The following SEPHS1 variants were observed in gnomAD, a reference collection of about 807,000 sequenced individuals.
The protein encoded by SEPHS1 is selenophosphate synthetase 1, also known as zincore component SEPHS1.
In SEPHS1, 7 loss-of-function variants were observed where a neutral mutation model predicts 39.2. That is an observed-to-expected ratio of 0.18 (90% CI 0.10 to 0.34). The LOEUF is 0.34. Among genes scored for constraint, SEPHS1 ranks in the 10% least tolerant of loss-of-function variants. The pLI is 1.00. For synonymous variants in SEPHS1, 190 were observed against 195.5 expected (o/e 0.97, Z 0.23); for missense variants, 253 against 514.5 (o/e 0.49, Z 4.92).
At chr10:13,325,131 T>G (rs969158885) in intron 7 of SEPHS1, among the ~76,000 whole-genome samples, 1 of 152,182 alleles carries the variant, frequency 6.6e-6, no homozygotes, top group Admixed American at 6.5e-5. Flanking sequence ...TCCTTAACAG[T>G]GTTTTTCACC....
chr10:13,319,427 C>G (rs958612250), intron 8 of SEPHS1, 71 bp from the exon 9 acceptor site: 1 of 1,494,676 alleles, frequency 6.7e-7, no homozygotes, highest in Non-Finnish European at 9.2e-7. Context: ...GCTGCTTCTG[C>G]AGAGATCCAA....
At chr10:13,338,882 G>C in intron 2 of SEPHS1, 74 bp from the exon 3 acceptor site, 1 of 1,059,882 alleles carries the variant, frequency 9.4e-7, no homozygotes, top group South Asian at 1.3e-5. Flanking sequence ...CCAGTGCTCT[G>C]AACAGGAAGA....
chr10:13,331,748 T>TTC (rs1833478362), intron 5 of SEPHS1, among the ~76,000 whole-genome samples: 1 of 152,206 alleles, frequency 6.6e-6, no homozygotes, highest in South Asian at 2.1e-4. Context: ...GGAGAGAAAC[T>TTC]TCTCCAAAGA....
At chr10:13,321,841 G>T (rs1217185443) in intron 8 of SEPHS1, among the ~76,000 whole-genome samples, 1 of 152,148 alleles carries the variant, frequency 6.6e-6, no homozygotes, top group Non-Finnish European at 1.5e-5. Flanking sequence ...ATGAAGAGGA[G>T]GACGTCCCAC....
At chr10:13,331,117 G>A (rs1458869954) in intron 5 of SEPHS1, among the ~76,000 whole-genome samples, 1 of 152,128 alleles carries the variant, frequency 6.6e-6, no homozygotes, top group Non-Finnish European at 1.5e-5. Flanking sequence ...AGTTTGCTTA[G>A]AATGATGGTT....
chr10:13,324,721 C>A (rs1362901259), intron 7 of SEPHS1, among the ~76,000 whole-genome samples: 1 of 152,204 alleles, frequency 6.6e-6, no homozygotes, highest in Non-Finnish European at 1.5e-5. Context: ...AGGGATCCTC[C>A]CAACCTCAGC....
chr10:13,337,150 AAAC>A (rs1177963781), intron 3 of SEPHS1, among the ~76,000 whole-genome samples: 6 of 152,096 alleles, frequency 3.9e-5, no homozygotes, highest in Admixed American at 1.3e-4. Flanking sequence ...GACTGTCAAT[AAAC>A]AACAACAAAA....
At chr10:13,337,818 C>T (rs75395788) in intron 3 of SEPHS1, among the ~76,000 whole-genome samples, 1 of 152,176 alleles carries the variant, frequency 6.6e-6, no homozygotes, top group Admixed American at 6.6e-5. Flanking sequence ...GAGGAGAAAA[C>T]GGACAGATGT....
chr10:13,329,073 C>G (rs61851590), intron 6 of SEPHS1, among the ~76,000 whole-genome samples: 4 of 152,218 alleles, frequency 2.6e-5, no homozygotes, highest in Non-Finnish European at 5.9e-5. Flanking sequence ...TTAAATGCAC[C>G]ATGATATGTG....
At chr10:13,326,192 T>C (rs373278138) in intron 7 of SEPHS1, among the ~76,000 whole-genome samples, 6 of 152,102 alleles carry the variant, frequency 3.9e-5, no homozygotes, top group African/African-American at 1.2e-4. Flanking sequence ...ATCAGTTGAC[T>C]AGGCCAGGTG....
intron 1 of SEPHS1, among the ~76,000 whole-genome samples, chr10:13,346,502 A>G (rs979844831): frequency 4.6e-5 from 7 of 152,216 alleles, no homozygotes; most frequent in African/African-American, 1.4e-4. Context: ...GTAACAACTG[A>G]GCAGGAGTCA....
chr10:13,333,438 TTCTTG>T (rs1422804481), intron 5 of SEPHS1, among the ~76,000 whole-genome samples: 2 of 148,804 alleles, frequency 1.3e-5, no homozygotes. Context: ...CAGCCTTGCG[TTCTTG>T]TCTTTTTTTT....
At chr10:13,336,153 G>A (rs140746895) in intron 4 of SEPHS1, 90 bp downstream of exon 4, 129 of 851,080 alleles carry the variant, frequency 1.5e-4, no homozygotes, top group African/African-American at 1.4e-3. Flanking sequence ...TGGGCTCCTC[G>A]CTTTCTAGAT....
intron 1 of SEPHS1, chr10:13,347,249 C>G (rs1203447840): frequency 6.6e-6 from 1 of 151,662 alleles, no homozygotes; most frequent in Non-Finnish European, 1.5e-5. Flanking sequence ...GTGGGCCCGG[C>G]GCGCTGCCCC....
At chr10:13,332,192 G>A (rs1224191719) in intron 5 of SEPHS1, among the ~76,000 whole-genome samples, 1 of 152,234 alleles carries the variant, frequency 6.6e-6, no homozygotes, top group Non-Finnish European at 1.5e-5. Context: ...TACAGCCATG[G>A]AAAGGAATGC....
chr10:13,338,592 G>A (rs886577901), intron 3 of SEPHS1, 113 bp downstream of exon 3: 16 of 792,812 alleles, frequency 2.0e-5, no homozygotes, highest in Non-Finnish European at 3.2e-5. Flanking sequence ...AGTATAGTCG[G>A]GATATAACAG....
chr10:13,329,843 T>C, intron 5 of SEPHS1, 55 bp from the exon 6 acceptor site: 1 of 1,360,150 alleles, frequency 7.4e-7, no homozygotes, highest in African/African-American at 1.4e-5. Flanking sequence ...GATGAGCTCA[T>C]TGTTATTAAC....
At chr10:13,329,527 C>G (rs1393649441) in intron 6 of SEPHS1, 171 bp downstream of exon 6, 6 of 521,012 alleles carry the variant, frequency 1.2e-5, no homozygotes, top group Non-Finnish European at 1.7e-5. Context: ...ATTCAATATG[C>G]AAAACTGTTA....
Position 13,318,220 on chromosome 10 carries a change from C to A in SEPHS1, c.*922G>T, listed in dbSNP as rs1832998931. 6.6e-6 allele frequency: 1 copy of A among 152,466 alleles called. No homozygotes were observed. The allele number at this position is 152,466 out of a possible 1,614,324, so 9.4% of individuals were successfully genotyped here. On this transcript the variant is annotated 3_prime_UTR_variant, in exon 9 of 9. Transcript: ENST00000327347. ...GGACAAAATAATGCTAAGAATTAGGCCAAACAGCTGCTGATTTTAAGAAAA... is the reference window on the plus strand; with the variant it reads ...GGACAAAATAATGCTAAGAATTAGGACAAACAGCTGCTGATTTTAAGAAAA...
Sources: allele counts gnomAD v4.1 joint callset (sites outside exome capture counted in the v4.1 genomes callset), GRCh38; gene constraint gnomAD v4.1.1; transcripts MANE v1.5; gene names NCBI Gene and HGNC (gene_info 2026-07-23, HGNC 2026-07-21).